The following CYP3A7 variants were observed in gnomAD, a reference collection of about 807,000 sequenced individuals.
The protein encoded by CYP3A7 is cytochrome P450 3A7.
A neutral mutation model predicts 55.2 loss-of-function variants in CYP3A7; 45 were observed. The ratio of observed to expected loss-of-function variants is 0.82; its 90% confidence interval spans 0.64 to 1.05. The LOEUF (loss-of-function observed/expected upper bound fraction) is 1.05, where lower values mean the gene tolerates loss of function less well. CYP3A7 is among the 50% of genes least tolerant of loss of function. The pLI, the probability that CYP3A7 is intolerant of heterozygous loss-of-function variation, is 0.00. For missense variants in CYP3A7, 548 were observed against 605.3 expected (o/e 0.91, Z 0.99); for synonymous variants, 180 against 207.4 (o/e 0.87, Z 1.13).
At position 99,715,800 on chromosome 7, in the gene CYP3A7, G is replaced by A. The variant is rs750792109; in HGVS notation, c.628C>T (p.Leu210Phe). ...QDPFVENTKK[L>F]LRFNPLDPFV... ...GGATCTAATGGATTAAATCTTAAAA[G>A]CTTCTTGGTGTTTTCCACAAAGGGG... Residue 210 changes from leucine (L) to phenylalanine (F), a missense_variant, in exon 7 of 13, where the codon CTT (leucine) becomes TTT (phenylalanine). Leu to Phe is a conservative substitution (Grantham distance 22). Transcript: ENST00000336374. 3.1e-6 allele frequency: 5 copies of A among 1,613,876 alleles called. No homozygotes were observed. The South Asian group carries it at 4.4e-5, about 14-fold the overall frequency.
At chr7:99,709,580 A>T (rs1813666675) in intron 10 of CYP3A7, among the ~76,000 whole-genome samples, 1 of 152,234 alleles carries the variant, frequency 6.6e-6, no homozygotes, top group African/African-American at 2.4e-5. Context: ...GACCACTAGC[A>T]TCAAATAAAA....
chr7:99,717,330 C>T (rs1198211408), intron 5 of CYP3A7, 65 bp from the exon 6 acceptor site: 3 of 1,612,298 alleles, frequency 1.9e-6, no homozygotes, highest in African/African-American at 2.7e-5. Flanking sequence ...AAGGACATGA[C>T]TTTGCCTGGC....
intron 5 of CYP3A7, 123 bp downstream of exon 5, chr7:99,717,403 T>C: frequency 6.3e-7 from 1 of 1,587,302 alleles, no homozygotes; most frequent in Non-Finnish European, 8.6e-7. Flanking sequence ...ATAAAAAGAC[T>C]ATTTTTAGGA....
intron 9 of CYP3A7, among the ~76,000 whole-genome samples, chr7:99,712,020 A>G (rs1813766290): frequency 1.3e-5 from 2 of 152,176 alleles, no homozygotes; most frequent in African/African-American, 4.8e-5. Flanking sequence ...GTGGTGATTG[A>G]TTGCAGTCTG....
At chr7:99,715,696 A>T (rs978598313) in intron 7 of CYP3A7, 62 bp downstream of exon 7, 1 of 1,611,356 alleles carries the variant, frequency 6.2e-7, no homozygotes, top group African/African-American at 1.3e-5. Flanking sequence ...GGTGATTTAC[A>T]TCTCAATAAA....
chr7:99,718,186 T>C (rs1256682132), intron 4 of CYP3A7, among the ~76,000 whole-genome samples: 1 of 152,094 alleles, frequency 6.6e-6, no homozygotes, highest in African/African-American at 2.4e-5. Context: ...GATGAGTTAA[T>C]GAGTACAGCA....
Position 99,705,327 on chromosome 7 carries a change from C to G in CYP3A7, c.*173G>C. On this transcript the variant is annotated 3_prime_UTR_variant, in exon 13 of 13. Coordinates refer to ENST00000336374, the MANE Select transcript of CYP3A7 (RefSeq NM_000765.5). ...CTCCTCTATATTACCAAGTATAACACTCTATACAGACCATGAGAGAGCACA... is the reference window on the plus strand; with the variant it reads ...CTCCTCTATATTACCAAGTATAACAGTCTATACAGACCATGAGAGAGCACA... 1 of 725,542 alleles carries G rather than the reference C, an allele frequency of 1.4e-6. No homozygotes were observed. 44.9% of individuals were successfully genotyped at this position (725,542 alleles called of 1,614,324 possible).
chr7:99,707,144 G>A (rs1222724192), intron 12 of CYP3A7, among the ~76,000 whole-genome samples: 2 of 152,184 alleles, frequency 1.3e-5, no homozygotes, highest in Admixed American at 1.3e-4. Flanking sequence ...AAGATTAGCA[G>A]AGTTATAATT....
rs746277130 is a variant in CYP3A7, at chr7:99,710,876, C to T, written c.882G>A (p.Glu294=). Reference sequence around the variant, plus strand: ...TAAAGATAATTGATTGGGCCATGAGCTCCAGATCAGACAGAGCTGAAAGGA... The same window carrying T: ...TAAAGATAATTGATTGGGCCATGAGTTCCAGATCAGACAGAGCTGAAAGGA... The part of the protein sequence containing the change: ...SETHKALSDL[E]LMAQSIIFIF... The change falls in exon 10 of 13, where the codon GAG becomes GAA. Residue 294 remains glutamate (E), a synonymous_variant. Transcript: ENST00000336374. The T allele has an allele frequency of 6.2e-7, 1 of 1,613,700 alleles. No individual in the cohort carries two copies. The highest frequency in any genetic ancestry group is 8.5e-7 in the Non-Finnish European group (1 of 1,179,770).
intron 8 of CYP3A7, 25 bp from the exon 9 acceptor site, chr7:99,713,560 T>C (rs1371691083): frequency 6.2e-6 from 10 of 1,613,040 alleles, no homozygotes; most frequent in Non-Finnish European, 7.6e-6. Flanking sequence ...AGAAATTTTA[T>C]TGACAGAAAG....
At chr7:99,711,867 T>TG (rs1181022133) in intron 9 of CYP3A7, among the ~76,000 whole-genome samples, 1 of 152,132 alleles carries the variant, frequency 6.6e-6, no homozygotes, top group East Asian at 1.9e-4. Flanking sequence ...TTTCACAAGA[T>TG]GTGGTAATTT....
chr7:99,714,456 C>G, intron 8 of CYP3A7, 99 bp downstream of exon 8: 3 of 1,547,358 alleles, frequency 1.9e-6, no homozygotes, highest in Non-Finnish European at 2.6e-6. Flanking sequence ...ATGTTAAAAT[C>G]TTTCTCTAAA....
rs1361457750 is a variant in CYP3A7 at position 99,710,947 on chromosome 7, G to A, written c.866-55C>T. 2.2e-5 allele frequency: 35 copies of A among 1,611,998 alleles called. No individual in the cohort carries two copies. In the Middle Eastern group the frequency reaches 5.0e-4, roughly 23 times the overall value. ...AATCAGGTCAATGTAGGGCATCACA[G>A]TTTAGATGAAAAGAAATCTAAGTGG... On this transcript the variant is annotated intron_variant, in intron 9 of 12. Coordinates refer to ENST00000336374, the MANE Select transcript of CYP3A7 (RefSeq NM_000765.5).
intron 10 of CYP3A7, among the ~76,000 whole-genome samples, chr7:99,710,439 A>G (rs1483766573): frequency 1.3e-5 from 2 of 152,214 alleles, no homozygotes; most frequent in Non-Finnish European, 2.9e-5. Flanking sequence ...CGTGTGAGCA[A>G]TATGCATATT....
chr7:99,715,866 A>T lies in CYP3A7; in HGVS notation c.562T>A (p.Ser188Thr), dbSNP rs760742049. The T allele has an allele frequency of 3.7e-6, 6 of 1,613,890 alleles. No homozygotes were observed. The highest frequency in any genetic ancestry group is 4.2e-6 in the Non-Finnish European group (5 of 1,179,834). Residue 188 changes from serine (S) to threonine (T), a missense_variant, in exon 7 of 13, where the codon TCA becomes ACA. Transcript: ENST00000336374. The part of the protein sequence containing the change: ...AYSMDVITST[S>T]FGVSIDSLNN... ...AGAGAGTCGATGCTCACTCCAAATG[A>T]TGTGCTAGTGATCACATCCATGCTG...
Position 99,709,016 on chromosome 7 carries a change from C to A in CYP3A7, c.1253+19G>T. The A allele has an allele frequency of 6.2e-7, 1 of 1,613,808 alleles. No homozygotes were observed. Among genetic ancestry groups the A allele is most frequent in the Non-Finnish European group, 8.5e-7 (1 of 1,179,846 alleles). ...ACCAGGCTGGTTCAGGGAGGGCTCCCTTCCCAGGGGCCTCCTACCTTTCAG... is the reference window on the plus strand; with the variant it reads ...ACCAGGCTGGTTCAGGGAGGGCTCCATTCCCAGGGGCCTCCTACCTTTCAG... On this transcript the variant is annotated intron_variant, in intron 11 of 12. Transcript: ENST00000336374.
chr7:99,722,059 A>C (rs1814222979), intron 3 of CYP3A7, among the ~76,000 whole-genome samples: 1 of 152,210 alleles, frequency 6.6e-6, no homozygotes, highest in Non-Finnish European at 1.5e-5. Context: ...TCTGTGGAAC[A>C]TCTTTGTCTT....
intron 10 of CYP3A7, among the ~76,000 whole-genome samples, chr7:99,709,497 A>G (rs1021219400): frequency 2.6e-5 from 4 of 152,210 alleles, no homozygotes; most frequent in African/African-American, 7.2e-5. Context: ...TCTAACCCCA[A>G]TGACTGAAAT....
chr7:99,731,883 G>A (rs908652967), intron 1 of CYP3A7, among the ~76,000 whole-genome samples: 8 of 152,128 alleles, frequency 5.3e-5, no homozygotes, highest in Admixed American at 2.0e-4. Context: ...AGCTATTGGG[G>A]AGGATGATTG....
Sources: allele counts gnomAD v4.1 joint callset (sites outside exome capture counted in the v4.1 genomes callset), GRCh38; gene constraint gnomAD v4.1.1; transcripts MANE v1.5; gene names NCBI Gene and HGNC (gene_info 2026-07-23, HGNC 2026-07-21).